Variants in ELAVL4 observed in about 807,000 individuals in gnomAD.
ELAVL4 encodes the protein ELAV-like protein 4.
In ELAVL4, 1 loss-of-function variant was observed where a neutral mutation model predicts 35.6. That is an observed-to-expected ratio of 0.03 (90% CI 0.01 to 0.13). ELAVL4 has a LOEUF of 0.13. Ranked by LOEUF, ELAVL4 falls within the 10% of genes least tolerant of loss-of-function variation. The probability of loss-of-function intolerance (pLI) is 1.00; values close to 1 mark genes in which losing one functional copy is unlikely to be tolerated. For synonymous variants in ELAVL4, 156 were observed against 171.0 expected, an observed-to-expected ratio of 0.91 and a Z score of 0.69; for missense variants, 267 against 464.9, an observed-to-expected ratio of 0.57 and a Z score of 3.91.
At chr1:50,050,712 T>TA (rs1289162936) in intron 1 of ELAVL4, among the ~76,000 whole-genome samples, 1 of 152,136 alleles carries the variant, frequency 6.6e-6, no homozygotes, top group South Asian at 2.1e-4. Flanking sequence ...ATTAGTAGCT[T>TA]AAAAAAAATT....
intron 1 of ELAVL4, among the ~76,000 whole-genome samples, chr1:50,127,154 C>T (rs1670076950): frequency 6.6e-6 from 1 of 152,098 alleles, no homozygotes; most frequent in Non-Finnish European, 1.5e-5. Flanking sequence ...CCTCCTATGT[C>T]CCCGTGTGCT....
intron 3 of ELAVL4, among the ~76,000 whole-genome samples, chr1:50,177,986 C>A (rs760702213): frequency 6.6e-6 from 1 of 152,200 alleles, no homozygotes; most frequent in African/African-American, 2.4e-5. Flanking sequence ...TGGGTCCAGA[C>A]TTCACCTATG....
At chr1:50,107,860 T>C (rs1402201443), upstream of ELAVL4, among the ~76,000 whole-genome samples, 4 of 152,116 alleles carry the variant, frequency 2.6e-5, no homozygotes, top group African/African-American at 9.7e-5. Context: ...GTAGAGGTTG[T>C]TAAATGTGTA....
At chr1:50,170,903 T>G (rs960529280) in intron 2 of ELAVL4, among the ~76,000 whole-genome samples, 7 of 152,060 alleles carry the variant, frequency 4.6e-5, no homozygotes, top group East Asian at 3.9e-4. Context: ...TGTGGTGGCA[T>G]GCACCTGTAA....
intron 1 of ELAVL4, among the ~76,000 whole-genome samples, chr1:50,075,234 C>T (rs1161973574): frequency 6.6e-6 from 1 of 152,096 alleles, no homozygotes; most frequent in Non-Finnish European, 1.5e-5. Flanking sequence ...CTTTAGGAGA[C>T]ATTTTAGGGA....
intron 2 of ELAVL4, among the ~76,000 whole-genome samples, chr1:50,154,275 A>G (rs1675329731): frequency 6.6e-6 from 1 of 152,182 alleles, no homozygotes; most frequent in South Asian, 2.1e-4. Context: ...TCTACCTAAC[A>G]CAGAAGGAAG....
At chr1:50,077,522 A>G (rs1664817425) in intron 1 of ELAVL4, among the ~76,000 whole-genome samples, 1 of 152,176 alleles carries the variant, frequency 6.6e-6, no homozygotes, top group Non-Finnish European at 1.5e-5. Context: ...CCGTCTAGGG[A>G]GGGCAAATGA....
intron 1 of ELAVL4, chr1:50,109,579 G>T: frequency 2.6e-6 from 1 of 388,274 alleles, no homozygotes; most frequent in Non-Finnish European, 4.7e-6. Flanking sequence ...GGGGCTGGGG[G>T]TGGATGCAGC....
At chr1:50,146,613 C>G (rs973046481) in intron 2 of ELAVL4, among the ~76,000 whole-genome samples, 1 of 152,134 alleles carries the variant, frequency 6.6e-6, no homozygotes, top group Non-Finnish European at 1.5e-5. Context: ...CTTTGATTAT[C>G]TTGTACCAGA....
chr1:50,132,008 A>G (rs888246901), intron 1 of ELAVL4, among the ~76,000 whole-genome samples: 2 of 152,098 alleles, frequency 1.3e-5, no homozygotes, highest in Admixed American at 1.3e-4. Context: ...CATGCAGAGG[A>G]CAGAGAATAT....
chr1:50,139,360 T>C (rs1373113017), intron 1 of ELAVL4, among the ~76,000 whole-genome samples: 8 of 152,232 alleles, frequency 5.3e-5, no homozygotes, highest in African/African-American at 1.4e-4. Context: ...TGTAAAGTGC[T>C]ATACTCAGAA....
chr1:50,109,016 C>CGGGGGGGGGCGCG lies in ELAVL4; in HGVS notation c.-174_-173insGGGGGGGGGCGCG. The CGGGGGGGGGCGCG allele has an allele frequency of 1.1e-6, 1 of 905,790 alleles. No individual in the cohort carries two copies. Among genetic ancestry groups the CGGGGGGGGGCGCG allele is most frequent in the Non-Finnish European group, 1.3e-6 (1 of 761,404 alleles). 56.1% of individuals were successfully genotyped at this position (905,790 alleles called of 1,614,324 possible). A position where few individuals can be genotyped will look rare whatever the true frequency, so the allele number is the denominator to read the frequency against. On this transcript the variant is annotated 5_prime_UTR_variant, in exon 1 of 7. Coordinates refer to ENST00000371824, the MANE Select transcript of ELAVL4 (RefSeq NM_001144774.3). ...CTCCTTTTCTTTTTTTTCTTTCTCT[C>CGGGGGGGGGCGCG]CCCCGCCCACCCCCCCAAAAATAAT... is the stretch of plus-strand genomic sequence containing the variant.
chr1:50,056,841 A>T (rs1219360696), intron 1 of ELAVL4, among the ~76,000 whole-genome samples: 1 of 151,898 alleles, frequency 6.6e-6, no homozygotes, highest in East Asian at 1.9e-4. Flanking sequence ...CTGAGGCAGG[A>T]GAATGGCGTG....
At chr1:50,060,181 T>A (rs750473036) in intron 1 of ELAVL4, among the ~76,000 whole-genome samples, 9 of 152,226 alleles carry the variant, frequency 5.9e-5, no homozygotes, top group Non-Finnish European at 1.2e-4. Flanking sequence ...AGTTTACCTG[T>A]CATATACTGT....
intron 1 of ELAVL4, among the ~76,000 whole-genome samples, chr1:50,124,405 CACA>C (rs1350991239): frequency 6.6e-6 from 1 of 152,094 alleles, no homozygotes; most frequent in Non-Finnish European, 1.5e-5. Context: ...CATTAAATCT[CACA>C]ACGATTCTAA....
At chr1:50,116,857 G>A (rs1246805159) in intron 1 of ELAVL4, among the ~76,000 whole-genome samples, 1 of 151,840 alleles carries the variant, frequency 6.6e-6, no homozygotes, top group African/African-American at 2.4e-5. Flanking sequence ...CAAAATTCTT[G>A]GTATTATACA....
upstream of ELAVL4, among the ~76,000 whole-genome samples, chr1:50,105,243 CTG>C (rs1402817262): frequency 6.6e-6 from 1 of 152,100 alleles, no homozygotes; most frequent in Non-Finnish European, 1.5e-5. Flanking sequence ...GTTTTCATCA[CTG>C]TGTGTGAATA....
intron 1 of ELAVL4, among the ~76,000 whole-genome samples, chr1:50,070,027 G>A (rs983987125): frequency 6.6e-6 from 1 of 152,182 alleles, no homozygotes; most frequent in African/African-American, 2.4e-5. Flanking sequence ...GATTTGCTAA[G>A]TATAGAAGTG....
At chr1:50,063,829 G>A (rs1300228663) in intron 1 of ELAVL4, among the ~76,000 whole-genome samples, 1 of 152,044 alleles carries the variant, frequency 6.6e-6, no homozygotes, top group Non-Finnish European at 1.5e-5. Flanking sequence ...ACCTCTTACT[G>A]GACCTGGAAC....
Sources: allele counts gnomAD v4.1 joint callset (sites outside exome capture counted in the v4.1 genomes callset), GRCh38; gene constraint gnomAD v4.1.1; transcripts MANE v1.5; gene names NCBI Gene and HGNC (gene_info 2026-07-23, HGNC 2026-07-21).